The following ATP9B variants were observed in gnomAD, a reference collection of about 807,000 sequenced individuals.
The protein encoded by ATP9B is ATPase phospholipid transporting 9B.
ATP9B carries 110 observed loss-of-function variants against 146.1 expected under a neutral mutation model. The ratio of observed to expected loss-of-function variants is 0.75; its 90% CI spans 0.65 to 0.88. The LOEUF (loss-of-function observed/expected upper bound fraction) is 0.88, where lower values mean the gene tolerates loss of function less well. ATP9B is among the 40% of genes least tolerant of loss of function. The pLI is 0.00. For missense variants in ATP9B, 1,499 were observed against 1,496.4 expected (o/e 1.00, Z -0.03); for synonymous variants, 604 against 569.7 (o/e 1.06, Z -0.86).
intron 5 of ATP9B, among the ~76,000 whole-genome samples, chr18:79,128,680 C>T (rs73971378): frequency 0.027 from 4,072 of 152,160 alleles, 174 homozygotes; most frequent in African/African-American, 0.092. Flanking sequence ...AGGGGCTAGG[C>T]AGAGATGTTT....
intron 9 of ATP9B, among the ~76,000 whole-genome samples, chr18:79,196,292 T>A (rs1331404967): frequency 6.6e-6 from 1 of 152,172 alleles, no homozygotes; most frequent in Non-Finnish European, 1.5e-5. Context: ...GTGAATAATC[T>A]TACAGAGGAT....
chr18:79,101,843 TA>T (rs1220333577), intron 2 of ATP9B, among the ~76,000 whole-genome samples: 1 of 152,244 alleles, frequency 6.6e-6, no homozygotes, highest in African/African-American at 2.4e-5. Context: ...TGTTGTTTAT[TA>T]TTTTTTTCTT....
intron 6 of ATP9B, among the ~76,000 whole-genome samples, chr18:79,147,875 A>G (rs549790948): frequency 1.3e-5 from 2 of 152,290 alleles, no homozygotes; most frequent in African/African-American, 2.4e-5. Context: ...AAATCAATCA[A>G]TACAAAAGCT....
At position 79,339,834 on chromosome 18, in the gene ATP9B, G is replaced by A. The variant is rs187687777; in HGVS notation, c.2283+2385G>A. On this transcript the variant is annotated intron_variant, in intron 19 of 29. Transcript: ENST00000426216. ...ATGTCATGATCGCAGTAGGAAGTGC[G>A]TCATGAGGCTGTATCTGGTTTCAGA... 3.7e-4 allele frequency among the ~76,000 whole-genome samples: 56 copies of A among 152,298 alleles called. No individual in the cohort carries two copies. The East Asian group carries it at 0.01, about 28-fold the overall frequency.
chr18:79,163,256 G>GT (rs1012602716), intron 7 of ATP9B, among the ~76,000 whole-genome samples: 5 of 152,224 alleles, frequency 3.3e-5, no homozygotes, highest in African/African-American at 1.2e-4. Flanking sequence ...TAATAACGTT[G>GT]TTTTTCTCTA....
intron 11 of ATP9B, among the ~76,000 whole-genome samples, chr18:79,252,901 T>G (rs1244687716): frequency 6.6e-6 from 1 of 151,462 alleles, no homozygotes; most frequent in African/African-American, 2.4e-5. Context: ...CCATCTTGAG[T>G]AGAATCCTCA....
At chr18:79,373,609 C>A (rs934284460) in intron 27 of ATP9B, among the ~76,000 whole-genome samples, 2 of 151,896 alleles carry the variant, frequency 1.3e-5, no homozygotes, top group Non-Finnish European at 2.9e-5. Flanking sequence ...TCTGCCTCAG[C>A]CTCCCCAGTA....
intron 8 of ATP9B, among the ~76,000 whole-genome samples, chr18:79,188,038 A>G (rs1310477122): frequency 2.0e-5 from 3 of 152,168 alleles, no homozygotes; most frequent in Non-Finnish European, 4.4e-5. Flanking sequence ...GACGCCCTTT[A>G]GCTGTGCTAC....
chr18:79,236,429 GT>G (rs2095841778), intron 11 of ATP9B, among the ~76,000 whole-genome samples: 1 of 151,776 alleles, frequency 6.6e-6, no homozygotes, highest in Non-Finnish European at 1.5e-5. Flanking sequence ...TGTTCATAGT[GT>G]TTTGATGAGT....
At chr18:79,244,308 T>G (rs1396798184) in intron 11 of ATP9B, among the ~76,000 whole-genome samples, 1 of 152,114 alleles carries the variant, frequency 6.6e-6, no homozygotes, top group Non-Finnish European at 1.5e-5. Flanking sequence ...AAAGGAATGG[T>G]CCCATCTATT....
chr18:79,235,962 A>G (rs756411621), intron 11 of ATP9B, among the ~76,000 whole-genome samples: 2 of 152,080 alleles, frequency 1.3e-5, no homozygotes, highest in African/African-American at 4.8e-5. Context: ...TGAATGGTGT[A>G]TACAGATCTC....
Position 79,345,830 on chromosome 18 carries a change from T to C in ATP9B, c.2673T>C (p.Ile891=). The stretch of plus-strand genomic sequence containing the variant: ...AGGCAGCAGACTGTGGGATTGGGAT[T>C]GAGGGAAAGGTAGGTTCGCCCTTTT... The part of the protein sequence containing the change: ...MIQAADCGIG[I]EGKEGKQASL... Residue 891 remains isoleucine, a synonymous_variant, in exon 23 of 30, where the codon ATT becomes ATC. Transcript: ENST00000426216. 1 of 1,614,252 alleles carries C rather than the reference T, an allele frequency of 6.2e-7. No individual in the cohort carries two copies. The highest frequency in any genetic ancestry group is 1.6e-4 in the Middle Eastern group (1 of 6,062).
intron 11 of ATP9B, among the ~76,000 whole-genome samples, chr18:79,222,351 T>TC (rs1314862681): frequency 1.3e-5 from 2 of 151,338 alleles, no homozygotes; most frequent in African/African-American, 4.9e-5. Context: ...AGAGTGAGAC[T>TC]CCATCTCAAA....
intron 13 of ATP9B, among the ~76,000 whole-genome samples, chr18:79,279,539 A>C (rs945471312): frequency 6.6e-6 from 1 of 152,238 alleles, no homozygotes; most frequent in Non-Finnish European, 1.5e-5. Flanking sequence ...GAATTTTAAG[A>C]GAATTTATTC....
In ATP9B at chr18:79,341,967, G is replaced by C. The variant is rs146457265; in HGVS notation, c.2284-301G>C. 3.0e-4 allele frequency among the ~76,000 whole-genome samples: 45 copies of C among 152,284 alleles called. 1 individual carries two copies. Among genetic ancestry groups the C allele is most frequent in the African/African-American group, 9.9e-4 (41 of 41,550 alleles). On this transcript the variant is annotated intron_variant, in intron 19 of 29. Coordinates refer to ENST00000426216, the MANE Select transcript of ATP9B (RefSeq NM_198531.5). ...CATCTAGTTCTTTCTCTGTGGATTG[G>C]ATGGCTCTAGGGACCTCATGGAAAT...
chr18:79,344,074 G>A (rs1308346288), intron 20 of ATP9B, 191 bp from the exon 21 acceptor site: 1 of 612,496 alleles, frequency 1.6e-6, no homozygotes, highest in Non-Finnish European at 2.9e-6. Flanking sequence ...TTAACTGAGT[G>A]GATAGACACA....
intron 2 of ATP9B, among the ~76,000 whole-genome samples, chr18:79,109,058 C>T (rs1195813490): frequency 6.6e-6 from 1 of 152,160 alleles, no homozygotes; most frequent in East Asian, 1.9e-4. Flanking sequence ...TTGTAATCAG[C>T]CTTATGCTGT....
chr18:79,324,526 G>C (rs2096733626), intron 15 of ATP9B, among the ~76,000 whole-genome samples: 1 of 152,062 alleles, frequency 6.6e-6, no homozygotes, highest in Admixed American at 6.6e-5. Context: ...AAGCAGAAAA[G>C]GGTTGAGGTC....
intron 10 of ATP9B, among the ~76,000 whole-genome samples, 198 bp downstream of exon 10, chr18:79,207,210 C>T (rs948402802): frequency 2.0e-5 from 3 of 152,164 alleles, no homozygotes; most frequent in South Asian, 2.1e-4. Flanking sequence ...AGACACTGCA[C>T]GTGGTTCGCA....
Sources: gnomAD v4.1 joint callset for allele counts (sites outside exome capture counted in the v4.1 genomes callset) on GRCh38, gnomAD v4.1.1 for gene constraint, MANE v1.5 for transcripts, NCBI Gene and HGNC (gene_info 2026-07-23, HGNC 2026-07-21) for gene names.